The following SNTG1 variants were observed in gnomAD, a reference collection of about 807,000 sequenced individuals.
SNTG1 encodes syntrophin gamma 1, also known as gamma-1-syntrophin.
SNTG1 carries 39 observed loss-of-function variants against 74.7 expected under a neutral mutation model. The observed-to-expected ratio is 0.52, with a 90% CI of 0.40 to 0.68. The LOEUF is 0.68. SNTG1 is among the 30% of genes least tolerant of loss of function. The pLI is 0.00. For synonymous variants in SNTG1, 254 were observed against 217.1 expected, an observed-to-expected ratio of 1.17 and a Z score of -1.49; for missense variants, 685 against 609.5, an observed-to-expected ratio of 1.12 and a Z score of -1.30.
At chr8:50,587,090 C>T (rs574183088) in intron 12 of SNTG1, among the ~76,000 whole-genome samples, 1 of 151,622 alleles carries the variant, frequency 6.6e-6, no homozygotes, top group South Asian at 2.1e-4. Context: ...AGACATTAAT[C>T]TAAATTTGTA....
intron 2 of SNTG1, among the ~76,000 whole-genome samples, chr8:50,204,628 G>T (rs2084127869): frequency 6.6e-6 from 1 of 152,032 alleles, no homozygotes; most frequent in Non-Finnish European, 1.5e-5. Flanking sequence ...ATGCAGGTTT[G>T]TTACATATGT....
intron 13 of SNTG1, among the ~76,000 whole-genome samples, chr8:50,595,256 A>G (rs1019452651): frequency 6.6e-6 from 1 of 152,060 alleles, no homozygotes; most frequent in Non-Finnish European, 1.5e-5. Flanking sequence ...ATTTCATAAC[A>G]CTTGGTGATA....
At chr8:50,095,416 A>T (rs1375320668) in intron 1 of SNTG1, among the ~76,000 whole-genome samples, 1 of 152,222 alleles carries the variant, frequency 6.6e-6, no homozygotes, top group Non-Finnish European at 1.5e-5. Flanking sequence ...AAACAGTCTC[A>T]GCGTTGCTCA....
chr8:50,693,220 G>A (rs34346090), intron 15 of SNTG1, among the ~76,000 whole-genome samples: 31,160 of 151,712 alleles, frequency 0.21, 3,302 homozygotes, highest in South Asian at 0.31. Flanking sequence ...GTGATGCCTC[G>A]CCCTGCTTCG....
intron 13 of SNTG1, among the ~76,000 whole-genome samples, chr8:50,649,295 C>CA (rs1312096905): frequency 6.6e-6 from 1 of 151,952 alleles, no homozygotes; most frequent in Non-Finnish European, 1.5e-5. Flanking sequence ...GTCAGGAGTG[C>CA]AAGACCAGCC....
chr8:50,400,953 A>C (rs2092796458), intron 3 of SNTG1, among the ~76,000 whole-genome samples: 1 of 152,138 alleles, frequency 6.6e-6, no homozygotes, highest in Non-Finnish European at 1.5e-5. Flanking sequence ...AGGGTTTTGA[A>C]TGTTCTCACA....
chr8:50,359,668 C>T (rs1189176018), intron 2 of SNTG1, among the ~76,000 whole-genome samples: 1 of 152,088 alleles, frequency 6.6e-6, no homozygotes, highest in Non-Finnish European at 1.5e-5. Context: ...ACTTTAAATG[C>T]GTGAAAGAAA....
At chr8:50,474,297 A>C (rs574094238) in intron 8 of SNTG1, among the ~76,000 whole-genome samples, 1 of 152,074 alleles carries the variant, frequency 6.6e-6, no homozygotes, top group African/African-American at 2.4e-5. Flanking sequence ...CAACCTACAA[A>C]ATGGGAGAAA....
chr8:50,154,231 G>C (rs182290456), intron 1 of SNTG1, among the ~76,000 whole-genome samples: 2 of 152,178 alleles, frequency 1.3e-5, no homozygotes, highest in Non-Finnish European at 2.9e-5. Context: ...CCCCAAGCCA[G>C]GCATGGGATA....
Position 50,530,249 on chromosome 8 carries a change from C to A in SNTG1, c.539C>A (p.Pro180His), listed in dbSNP as rs776000441. Reference protein sequence around the residue: ...CDSGLHLNYHPNNTDTLSCSS... With the variant: ...CDSGLHLNYHHNNTDTLSCSS... ...AGTGGCTTACATCTCAACTACCATC[C>A]CAACAATACAGTAAGATGACCCAGG... is the stretch of plus-strand genomic sequence containing the variant. The change falls in exon 10 of 19, where the codon CCC (proline) becomes CAC (histidine). Residue 180 changes from proline to histidine, a missense_variant. By Grantham distance (77) the Pro-to-His change is moderately conservative (BLOSUM62 -2). Coordinates refer to ENST00000642720, the MANE Select transcript of SNTG1 (RefSeq NM_018967.5). 1 of 1,613,618 alleles carries A rather than the reference C, an allele frequency of 6.2e-7. No individual in the cohort carries two copies.
At chr8:50,701,586 C>CTTCTTCTTCTTCTTCTTCTTCT (rs2095423842) in intron 15 of SNTG1, among the ~76,000 whole-genome samples, 1,918 of 145,294 alleles carry the variant, frequency 0.013, 158 homozygotes, top group African/African-American at 0.044. Flanking sequence ...CTTTTTCTTC[C>CTTCTTCTTCTTCTTCTTCTTCT]TCTTCTTCTT....
intron 8 of SNTG1, among the ~76,000 whole-genome samples, chr8:50,463,485 C>A (rs1020292523): frequency 6.6e-6 from 1 of 152,126 alleles, no homozygotes; most frequent in Non-Finnish European, 1.5e-5. Context: ...CAAAATTAAT[C>A]TTATTTTACA....
At chr8:50,335,860 A>ATTTTATTTTAT (rs549088482) in intron 2 of SNTG1, among the ~76,000 whole-genome samples, 2 of 147,222 alleles carry the variant, frequency 1.4e-5, no homozygotes, top group African/African-American at 2.5e-5. Flanking sequence ...ATTTTATTTT[A>ATTTTATTTTAT]TTTATGTTAC....
chr8:50,668,102 G>A (rs184271828), intron 15 of SNTG1, among the ~76,000 whole-genome samples: 2 of 152,006 alleles, frequency 1.3e-5, no homozygotes, highest in East Asian at 1.9e-4. Context: ...GCTAATCCCA[G>A]CAACTTCAAA....
At chr8:50,642,749 C>T (rs763020351) in intron 13 of SNTG1, among the ~76,000 whole-genome samples, 8 of 152,032 alleles carry the variant, frequency 5.3e-5, no homozygotes, top group Non-Finnish European at 8.8e-5. Flanking sequence ...GTCTTCTTTT[C>T]CTTGATTTAT....
At chr8:50,762,448 C>G (rs148542502) in intron 18 of SNTG1, 72 of 288,676 alleles carry the variant, frequency 2.5e-4, no homozygotes, top group African/African-American at 1.5e-3. Context: ...AAAAAACTCA[C>G]GGGACATTCT....
chr8:50,045,238 G>A (rs558439546), intron 1 of SNTG1, among the ~76,000 whole-genome samples: 6 of 152,120 alleles, frequency 3.9e-5, no homozygotes, highest in Non-Finnish European at 8.8e-5. Flanking sequence ...AAAGAAAGGA[G>A]GTTTAATTGG....
intron 2 of SNTG1, among the ~76,000 whole-genome samples, chr8:50,201,919 C>T (rs912760033): frequency 1.3e-5 from 2 of 152,138 alleles, no homozygotes; most frequent in Non-Finnish European, 2.9e-5. Context: ...CACCATCAAA[C>T]AGCCATTTAC....
rs186272011 is a variant in SNTG1 at position 50,701,150 on chromosome 8, G to A, written c.1039-3450G>A. ...TAATATTTTTTATTATAAGGAAAAT[G>A]AAGGGCAATTTAATAAACCATAAAA... On this transcript the variant is annotated intron_variant, in intron 15 of 18. Transcript: ENST00000642720. 2.9e-4 allele frequency among the ~76,000 whole-genome samples: 44 copies of A among 152,266 alleles called. No homozygotes were observed. The East Asian group carries it at 8.5e-3, about 29-fold the overall frequency.
Sources: allele counts gnomAD v4.1 joint callset (sites outside exome capture counted in the v4.1 genomes callset), GRCh38; gene constraint gnomAD v4.1.1; transcripts MANE v1.5; gene names NCBI Gene and HGNC (gene_info 2026-07-23, HGNC 2026-07-21).